Variants in PCSK1N observed in about 807,000 individuals in gnomAD.
PCSK1N encodes proprotein convertase subtilisin/kexin type 1 inhibitor.
A neutral mutation model predicts 10.6 loss-of-function variants in PCSK1N; 8 were observed. The observed-to-expected ratio is 0.76, with a 90% CI of 0.44 to 1.37. PCSK1N has a LOEUF of 1.37. Ranked by LOEUF, PCSK1N falls within the 40% of genes most tolerant of loss-of-function variation. PCSK1N has a pLI of 0.00. For missense variants in PCSK1N, 301 were observed against 268.5 expected, an observed-to-expected ratio of 1.12 and a Z score of -0.84; for synonymous variants, 143 against 137.1, an observed-to-expected ratio of 1.04 and a Z score of -0.30.
chrX:48,832,192 C>T lies in PCSK1N; in HGVS notation c.264G>A (p.Gln88=). The T allele has an allele frequency of 1.7e-6, 2 of 1,160,730 alleles. No homozygotes were observed. The highest frequency in any genetic ancestry group is 2.3e-6 in the Non-Finnish European group (2 of 876,463). Residue 88 remains glutamine (Q), a synonymous_variant, in exon 2 of 3, where the codon CAG becomes CAA. Transcript: ENST00000218230. The part of the protein sequence containing the change: ...ALAHLLEAER[Q]ERARAEAQEA... ...CCTGCGCCTCGGCCCGCGCCCGCTCCTGACGTTCGGCCTCCAGCAGATGCG... is the reference window on the plus strand; with the variant it reads ...CCTGCGCCTCGGCCCGCGCCCGCTCTTGACGTTCGGCCTCCAGCAGATGCG...
chrX:48,832,142 A>C lies in PCSK1N; in HGVS notation c.314T>G (p.Val105Gly). 2 of 1,135,397 alleles carry C rather than the reference A, an allele frequency of 1.8e-6. No individual in the cohort carries two copies. Among genetic ancestry groups the C allele is most frequent in the Non-Finnish European group, 2.3e-6 (2 of 865,263 alleles). The allele number at this position is 1,135,397 out of a possible 1,213,427, so 93.6% of individuals were successfully genotyped here. Reference protein sequence around the residue: ...AQEAEDQQARVLAQLLRVWGA... With the variant: ...AQEAEDQQARGLAQLLRVWGA... ...CCAGACGCGCAGCAGCTGCGCCAGG[A>C]CGCGCGCCTGCTGATCCTCAGCCTC... The change falls in exon 2 of 3, where the codon GTC becomes GGC. Residue 105 changes from valine (V) to glycine (G), a missense_variant. Val to Gly is a moderately radical substitution (Grantham distance 109, BLOSUM62 -3). Coordinates refer to ENST00000218230, the MANE Select transcript of PCSK1N (RefSeq NM_013271.5).
At chrX:48,835,024 TCAAAC>T (rs1406215840) in intron 1 of PCSK1N, among the ~76,000 whole-genome samples, 1 of 111,187 alleles carries the variant, frequency 9.0e-6, no homozygotes, top group Non-Finnish European at 1.9e-5. Context: ...TTGGAAGCGC[TCAAAC>T]CAAAGAACAC....
In PCSK1N at chrX:48,835,502, G is replaced by A; in HGVS notation, c.31C>T (p.Arg11Trp). Residue 11 changes from arginine to tryptophan, a missense_variant, in exon 1 of 3, where the codon CGG becomes TGG. Transcript: ENST00000218230. ...ACCAAAAGGCCGACGCCCCCGGCCC[G>A]CGGCCCCCAGAGCAGCGGCGACCCC... MAGSPLLWGP[R>W]AGGVGLLVLL... The A allele has an allele frequency of 2.1e-6, 2 of 948,126 alleles. No individual in the cohort carries two copies. Among genetic ancestry groups the A allele is most frequent in the South Asian group, 4.6e-5 (1 of 21,910 alleles). The allele number at this position is 948,126 out of a possible 1,213,427, so 78.1% of individuals were successfully genotyped here. A position where few individuals can be genotyped will look rare whatever the true frequency, so the allele number is the denominator to read the frequency against.
In PCSK1N at chrX:48,832,165, C is replaced by T; in HGVS notation, c.291G>A (p.Glu97=). 3 of 1,149,389 alleles carry T rather than the reference C, an allele frequency of 2.6e-6. No homozygotes were observed. Among genetic ancestry groups the T allele is most frequent in the South Asian group, 1.9e-5 (1 of 51,889 alleles). 94.7% of individuals were successfully genotyped at this position (1,149,389 alleles called of 1,213,427 possible). A position where few individuals can be genotyped will look rare whatever the true frequency, so the allele number is the denominator to read the frequency against. ...GGACGCGCGCCTGCTGATCCTCAGC[C>T]TCCTGCGCCTCGGCCCGCGCCCGCT... ...RQERARAEAQ[E]AEDQQARVLA... is the part of the protein sequence containing the mutation. Residue 97 remains glutamate, a synonymous_variant, in exon 2 of 3, where the codon GAG becomes GAA. Transcript: ENST00000218230.
At chrX:48,833,906 A>C (rs2063179943) in intron 1 of PCSK1N, among the ~76,000 whole-genome samples, 1 of 111,716 alleles carries the variant, frequency 9.0e-6, no homozygotes, top group Non-Finnish European at 1.9e-5. Context: ...GGAAAAAAAA[A>C]CGTCAAGTTC....
At chrX:48,831,841 C>T (rs782782496) in intron 2 of PCSK1N, 28 bp downstream of exon 2, 2 of 1,013,332 alleles carry the variant, frequency 2.0e-6, no homozygotes, top group African/African-American at 2.0e-5. Flanking sequence ...CGCAGGCGCC[C>T]GACCCCTCCC....
intron 1 of PCSK1N, among the ~76,000 whole-genome samples, chrX:48,832,987 TAC>T (rs1404596556): frequency 8.9e-6 from 1 of 111,856 alleles, no homozygotes; most frequent in Non-Finnish European, 1.9e-5. Flanking sequence ...ACACAGAAGA[TAC>T]AGAGAATTCC....
chrX:48,831,845 C>T (rs1161525564), intron 2 of PCSK1N, 24 bp downstream of exon 2: 11 of 1,014,642 alleles, frequency 1.1e-5, no homozygotes, highest in Non-Finnish European at 1.4e-5. Flanking sequence ...GGCGCCCGAC[C>T]CCTCCCCACC....
rs1420448156 is a variant in PCSK1N, at chrX:48,831,141, G to A, written c.*119C>T. 2 of 562,660 alleles carry A rather than the reference G, an allele frequency of 3.6e-6. No homozygotes were observed. The highest frequency in any genetic ancestry group is 3.3e-5 in the South Asian group (1 of 30,377). 46.4% of individuals were successfully genotyped at this position (562,660 alleles called of 1,213,427 possible). On this transcript the variant is annotated 3_prime_UTR_variant, in exon 3 of 3. Coordinates refer to ENST00000218230, the MANE Select transcript of PCSK1N (RefSeq NM_013271.5). ...GTGGGGCCAGGGGGTAGGGATCCTC[G>A]GGTGAGAGGGCTGGCTGGCCGGGGT... is the stretch of plus-strand genomic sequence containing the variant.
Position 48,831,978 on chromosome X carries a change from G to A in PCSK1N, c.478C>T (p.Pro160Ser). 1.9e-6 allele frequency: 2 copies of A among 1,069,528 alleles called. No individual in the cohort carries two copies. The highest frequency in any genetic ancestry group is 2.4e-6 in the Non-Finnish European group (2 of 834,175). 88.1% of individuals were successfully genotyped at this position (1,069,528 alleles called of 1,213,427 possible). A position where few individuals can be genotyped will look rare whatever the true frequency, so the allele number is the denominator to read the frequency against. Residue 160 changes from proline (P) to serine (S), a missense_variant, in exon 2 of 3, where the codon CCC becomes TCC. Coordinates refer to ENST00000218230, the MANE Select transcript of PCSK1N (RefSeq NM_013271.5). ...LAAQLVPAPVPAAALRPRPPV... is the reference protein window; with the variant it reads ...LAAQLVPAPVSAAALRPRPPV... ...GGCCGGGGTCGGAGCGCCGCGGCGG[G>A]GACGGGCGCGGGGACAAGCTGGGCT...
At chrX:48,832,894 T>G (rs782617944) in intron 1 of PCSK1N, among the ~76,000 whole-genome samples, 1 of 111,124 alleles carries the variant, frequency 9.0e-6, no homozygotes, top group Non-Finnish European at 1.9e-5. Context: ...CTGTGAAGGT[T>G]TGGAAAAGAA....
chrX:48,835,311 C>T, intron 1 of PCSK1N, 108 bp downstream of exon 1: 1 of 353,926 alleles, frequency 2.8e-6, no homozygotes, highest in Non-Finnish European at 4.4e-6. Context: ...TCTCTCCGCA[C>T]GTCCCGGGAG....
rs2063172004 is a variant in PCSK1N, at chrX:48,831,387, C to T, written c.656G>A (p.Arg219His). 9.0e-7 allele frequency: 1 copy of T among 1,108,045 alleles called. No homozygotes were observed. Among genetic ancestry groups the T allele is most frequent in the Non-Finnish European group, 1.2e-6 (1 of 851,000 alleles). The allele number at this position is 1,108,045 out of a possible 1,213,427, so 91.3% of individuals were successfully genotyped here. ...GCCCACATCGTGGTCGGCGGCACGG[C>T]GGAGGCGGCGCGGGGCTGCCACCCC... ...SEGVAAPRRL[R>H]RAADHDVGSE... Residue 219 changes from arginine (R) to histidine (H), a missense_variant, in exon 3 of 3, where the codon CGC (arginine) becomes CAC (histidine). Coordinates refer to ENST00000218230, the MANE Select transcript of PCSK1N (RefSeq NM_013271.5).
At chrX:48,831,789 G>C (rs2063173403) in intron 2 of PCSK1N, 80 bp downstream of exon 2, 2 of 804,127 alleles carry the variant, frequency 2.5e-6, no homozygotes, top group East Asian at 8.5e-5. Context: ...CACTCCACGG[G>C]GTAAGCAGGC....
intron 1 of PCSK1N, among the ~76,000 whole-genome samples, chrX:48,834,288 C>T (rs2063180818): frequency 9.0e-6 from 1 of 111,175 alleles, no homozygotes; most frequent in Non-Finnish European, 1.9e-5. Flanking sequence ...CATTGTTACA[C>T]GGATATAAGG....
rs932765801 is a variant in PCSK1N at position 48,831,409 on chromosome X, C to A, written c.634G>T (p.Val212Leu). The A allele has an allele frequency of 1.8e-6, 2 of 1,093,176 alleles. No homozygotes were observed. The highest frequency in any genetic ancestry group is 2.4e-6 in the Non-Finnish European group (2 of 843,491). 90.1% of individuals were successfully genotyped at this position (1,093,176 alleles called of 1,213,427 possible). The change falls in exon 3 of 3, where the codon GTG (valine) becomes TTG (leucine). Residue 212 changes from valine to leucine, a missense_variant. Coordinates refer to ENST00000218230, the MANE Select transcript of PCSK1N (RefSeq NM_013271.5). The part of the protein sequence containing the change: ...ILAGSADSEG[V>L]AAPRRLRRAA... ...CGGCGGAGGCGGCGCGGGGCTGCCA[C>A]CCCCTCGGAGTCCGCGCTTCCCGCA...
At chrX:48,835,353 C>T in intron 1 of PCSK1N, 66 bp downstream of exon 1, 1 of 489,646 alleles carries the variant, frequency 2.0e-6, no homozygotes, top group African/African-American at 2.5e-5. Context: ...CGGCGCAGCC[C>T]CAACCCCAAC....
At chrX:48,834,820 C>CACAG (rs1263102400) in intron 1 of PCSK1N, 1 of 92,257 alleles carries the variant, frequency 1.1e-5, no homozygotes, top group African/African-American at 4.3e-5. Context: ...CACACACACA[C>CACAG]AGAGAGAGAG....
chrX:48,835,267 G>C, intron 1 of PCSK1N, 152 bp downstream of exon 1: 1 of 285,026 alleles, frequency 3.5e-6, no homozygotes. Context: ...CCTGGGCGCG[G>C]ACCGGCGGCC....
Sources: gnomAD v4.1 joint callset for allele counts (sites outside exome capture counted in the v4.1 genomes callset) on GRCh38, gnomAD v4.1.1 for gene constraint, MANE v1.5 for transcripts, NCBI Gene and HGNC (gene_info 2026-07-23, HGNC 2026-07-21) for gene names.